The following FEM1B variants were observed in gnomAD, a reference collection of about 807,000 sequenced individuals.
FEM1B encodes protein fem-1 homolog B.
A neutral mutation model predicts 38.6 loss-of-function variants in FEM1B; 10 were observed. The ratio of observed to expected loss-of-function variants is 0.26; its 90% CI spans 0.16 to 0.44. The LOEUF (loss-of-function observed/expected upper bound fraction) is 0.44, where lower values mean the gene tolerates loss of function less well. FEM1B is among the 20% of genes least tolerant of loss of function. The pLI is 1.00. For synonymous variants in FEM1B, 288 were observed against 288.0 expected, an observed-to-expected ratio of 1.00 and a Z score of 0.00; for missense variants, 471 against 786.7, an observed-to-expected ratio of 0.60 and a Z score of 4.80.
At position 68,291,529 on chromosome 15, in the gene FEM1B, G is replaced by A; in HGVS notation, c.*287G>A. 2.9e-6 allele frequency: 1 copy of A among 339,448 alleles called. No homozygotes were observed. Among genetic ancestry groups the A allele is most frequent in the Non-Finnish European group, 5.3e-6 (1 of 188,560 alleles). 21.0% of individuals were successfully genotyped at this position (339,448 alleles called of 1,614,324 possible). A position where few individuals can be genotyped will look rare whatever the true frequency, so the allele number is the denominator to read the frequency against. On this transcript the variant is annotated 3_prime_UTR_variant, in exon 2 of 2. Transcript: ENST00000306917. This position sits in a 1 kb window ranked among gnomAD's most constrained non-coding sequence, Gnocchi z 6.9. ...AACAGATATAAAATGTTTTGTTTATGTAACAAGGGACATTTATAATTTCAA... is the reference window on the plus strand; with the variant it reads ...AACAGATATAAAATGTTTTGTTTATATAACAAGGGACATTTATAATTTCAA...
In FEM1B at chr15:68,292,171, C is replaced by A. The variant is rs568967252; in HGVS notation, c.*929C>A. On this transcript the variant is annotated 3_prime_UTR_variant, in exon 2 of 2. Transcript: ENST00000306917. Reference sequence around the variant, plus strand: ...TTCCAGAAGGCATTATTTATGCCTCCCTAATAAGGTATTTTACTTATGACA... The same window carrying A: ...TTCCAGAAGGCATTATTTATGCCTCACTAATAAGGTATTTTACTTATGACA... 6.6e-6 allele frequency: 1 copy of A among 152,222 alleles called. No individual in the cohort carries two copies. Among genetic ancestry groups the A allele is most frequent in the East Asian group, 1.9e-4 (1 of 5,186 alleles). The allele number at this position is 152,222 out of a possible 1,614,324, so 9.4% of individuals were successfully genotyped here. A position where few individuals can be genotyped will look rare whatever the true frequency, so the allele number is the denominator to read the frequency against.
rs561485550 is a variant in FEM1B, at chr15:68,281,710, C to A, written c.248+3045C>A. On this transcript the variant is annotated intron_variant, in intron 1 of 1. Transcript: ENST00000306917. The surrounding 1 kb of genome is among the most constrained non-coding windows in gnomAD (Gnocchi z 5.1). ...TCGGCTCACTGCAAGCTCTGCCTTC[C>A]GGGTTCATGCCATTCTCCTGCCTCA... 2.6e-5 allele frequency among the ~76,000 whole-genome samples: 4 copies of A among 152,234 alleles called. No homozygotes were observed. In the East Asian group the frequency reaches 7.7e-4, roughly 29 times the overall value.
chr15:68,282,810 T>C (rs930500593), intron 1 of FEM1B, among the ~76,000 whole-genome samples: 3 of 152,230 alleles, frequency 2.0e-5, no homozygotes, highest in African/African-American at 7.2e-5. Flanking sequence ...AGTCTTACAA[T>C]TTTAGCTAGA....
Position 68,291,038 on chromosome 15 carries a change from T to A in FEM1B, c.1680T>A (p.Val560=), listed in dbSNP as rs961911166. Residue 560 remains valine, a synonymous_variant, in exon 2 of 2, where the codon GTT becomes GTA. Transcript: ENST00000306917. The surrounding 1 kb of genome is among the most constrained non-coding windows in gnomAD (Gnocchi z 6.9). ...TGCACTCCATCATCATTAGCCTAGTTGAAGCCGGAGCTCACACTGACATGA... is the reference window on the plus strand; with the variant it reads ...TGCACTCCATCATCATTAGCCTAGTAGAAGCCGGAGCTCACACTGACATGA... ...LTLHSIIISL[V]EAGAHTDMTN... is the part of the protein sequence containing the mutation. 1.2e-6 allele frequency: 2 copies of A among 1,614,126 alleles called. No homozygotes were observed. Among genetic ancestry groups the A allele is most frequent in the Non-Finnish European group, 8.5e-7 (1 of 1,180,008 alleles).
Position 68,295,511 on chromosome 15 carries a change from GAA to G in FEM1B, c.*4272_*4273del, listed in dbSNP as rs1461043351. 6.6e-6 allele frequency: 1 copy of G among 152,122 alleles called. No homozygotes were observed. The highest frequency in any genetic ancestry group is 1.5e-5 in the Non-Finnish European group (1 of 68,020). The allele number at this position is 152,122 out of a possible 1,614,324, so 9.4% of individuals were successfully genotyped here. On this transcript the variant is annotated 3_prime_UTR_variant, in exon 2 of 2. Transcript: ENST00000306917. Reference sequence around the variant, plus strand: ...TAAAATCTGACTGGCCTAATCGATGGAAAAGACCCTGTCCTTTTCACCCCATC... The same window carrying G: ...TAAAATCTGACTGGCCTAATCGATGGAAGACCCTGTCCTTTTCACCCCATC...
chr15:68,281,784 T>G lies in FEM1B; in HGVS notation c.248+3119T>G, dbSNP rs1595839636. ...AGGTGCCCACAACCATGCCTGGCTA[T>G]TTTTTGTATTTTTAGTAGAGACGGT... On this transcript the variant is annotated intron_variant, in intron 1 of 1. Coordinates refer to ENST00000306917, the MANE Select transcript of FEM1B (RefSeq NM_015322.5). The surrounding 1 kb of genome is among the most constrained non-coding windows in gnomAD (Gnocchi z 5.1). Among the ~76,000 whole-genome samples the G allele has an allele frequency of 6.6e-6, 1 of 151,048 alleles. No individual in the cohort carries two copies. Among genetic ancestry groups the G allele is most frequent in the South Asian group, 2.1e-4 (1 of 4,826 alleles).
At chr15:68,279,990 G>C (rs541257984) in intron 1 of FEM1B, 4 of 152,312 alleles carry the variant, frequency 2.6e-5, no homozygotes, top group Admixed American at 2.6e-4. Flanking sequence ...GTGAAGCACA[G>C]TGACCTCTGA....
At chr15:68,287,937 A>G (rs57128886) in intron 1 of FEM1B, among the ~76,000 whole-genome samples, 7,860 of 150,614 alleles carry the variant, frequency 0.052, 660 homozygotes, top group African/African-American at 0.18. Context: ...AGGTTCAAGC[A>G]ATTCTCTTGC....
Position 68,278,350 on chromosome 15 carries a change from G to C in FEM1B, c.-68G>C. On this transcript the variant is annotated 5_prime_UTR_variant, in exon 1 of 2. Coordinates refer to ENST00000306917, the MANE Select transcript of FEM1B (RefSeq NM_015322.5). The surrounding 1 kb of genome is among the most constrained non-coding windows in gnomAD (Gnocchi z 5.7). ...GCCCAGGTTTAAAGCGCTGGCGAAC[G>C]CGGCCTCCGGGGGCGCACGGCAGCT... 1 of 1,541,350 alleles carries C rather than the reference G, an allele frequency of 6.5e-7. No homozygotes were observed. Among genetic ancestry groups the C allele is most frequent in the Non-Finnish European group, 8.7e-7 (1 of 1,143,278 alleles).
Position 68,292,119 on chromosome 15 carries a change from G to T in FEM1B, c.*877G>T, listed in dbSNP as rs1567114954. 6.6e-6 allele frequency: 1 copy of T among 151,960 alleles called. No homozygotes were observed. The highest frequency in any genetic ancestry group is 2.4e-5 in the African/African-American group (1 of 41,372). The allele number at this position is 151,960 out of a possible 1,614,324, so 9.4% of individuals were successfully genotyped here. On this transcript the variant is annotated 3_prime_UTR_variant, in exon 2 of 2. Transcript: ENST00000306917. ...TTGTCCCCTTTTCCCTTTTTCTCCT[G>T]TATCTTTTAAAATTTGGAAACTACT...
At position 68,288,466 on chromosome 15, in the gene FEM1B, T is replaced by G. The variant is rs930861158; in HGVS notation, c.249-1141T>G. 3.9e-5 allele frequency among the ~76,000 whole-genome samples: 6 copies of G among 152,196 alleles called. No homozygotes were observed. Among genetic ancestry groups the G allele is most frequent in the African/African-American group, 1.4e-4 (6 of 41,434 alleles). ...ATTGCTTCTAGCACAGTAGACTGTC[T>G]CCAGCAAAAATCTACTTATCAGGTC... On this transcript the variant is annotated intron_variant, in intron 1 of 1. Coordinates refer to ENST00000306917, the MANE Select transcript of FEM1B (RefSeq NM_015322.5). The surrounding 1 kb of genome is among the most constrained non-coding windows in gnomAD (Gnocchi z 4.6).
Position 68,289,804 on chromosome 15 carries a change from T to C in FEM1B, c.446T>C (p.Ile149Thr). ...GTTGAAAATAATGCCAACATCAGCA[T>C]TGCCAACAAATATGACAACACCTGC... ...YLVENNANIS[I>T]ANKYDNTCLM... Residue 149 changes from isoleucine to threonine, a missense_variant, in exon 2 of 2, where the codon ATT becomes ACT. Ile to Thr is a moderately conservative substitution (Grantham distance 89, BLOSUM62 -1). This residue lies in a region of FEM1B where 380 missense variants were observed against 599.6 expected (regional missense o/e 0.63). Coordinates refer to ENST00000306917, the MANE Select transcript of FEM1B (RefSeq NM_015322.5). The surrounding 1 kb of genome is among the most constrained non-coding windows in gnomAD (Gnocchi z 6.9). 1.9e-6 allele frequency: 3 copies of C among 1,614,198 alleles called. No homozygotes were observed. The highest frequency in any genetic ancestry group is 2.2e-5 in the East Asian group (1 of 44,886).
At position 68,290,427 on chromosome 15, in the gene FEM1B, A is replaced by G. The variant is rs755726730; in HGVS notation, c.1069A>G (p.Asn357Asp). The G allele has an allele frequency of 6.2e-7, 1 of 1,614,160 alleles. No individual in the cohort carries two copies. The highest frequency in any genetic ancestry group is 2.2e-5 in the East Asian group (1 of 44,886). Residue 357 changes from asparagine (N) to aspartate (D), a missense_variant, in exon 2 of 2, where the codon AAT (asparagine) becomes GAT (aspartate). Physicochemically the swap from Asn to Asp is conservative, Grantham distance 23. This residue lies in a region of FEM1B where 380 missense variants were observed against 599.6 expected (regional missense o/e 0.63). Coordinates refer to ENST00000306917, the MANE Select transcript of FEM1B (RefSeq NM_015322.5). The surrounding 1 kb of genome is among the most constrained non-coding windows in gnomAD (Gnocchi z 9.7). ...TTACAGAGGAGCTGTTTATGCGGAT[A>G]ATATGGAATTTGAGCAGTGTATCAA... ...IIYRGAVYAD[N>D]MEFEQCIKLW...
rs768528246 is a variant in FEM1B at position 68,290,772 on chromosome 15, T to TACAACCTGATTC, written c.1417_1428dup (p.Asn473_His476dup). 6.2e-7 allele frequency: 1 copy of TACAACCTGATTC among 1,614,072 alleles called. No homozygotes were observed. Among genetic ancestry groups the TACAACCTGATTC allele is most frequent in the Non-Finnish European group, 8.5e-7 (1 of 1,179,922 alleles). On this transcript the variant is annotated inframe_insertion, in exon 2 of 2. Coordinates refer to ENST00000306917, the MANE Select transcript of FEM1B (RefSeq NM_015322.5). This position sits in a 1 kb window ranked among gnomAD's most constrained non-coding sequence, Gnocchi z 9.7. ...TCAGTGCAAAATTAACAAGCAGATC[T>TACAACCTGATTC]ACAACCTGATTCACCTTGATCCCAG...
Position 68,289,823 on chromosome 15 carries a change from C to T in FEM1B, c.465C>T (p.Asn155=). 2.5e-6 allele frequency: 4 copies of T among 1,614,036 alleles called. No individual in the cohort carries two copies. The highest frequency in any genetic ancestry group is 3.4e-6 in the Non-Finnish European group (4 of 1,179,912). ...TCAGCATTGCCAACAAATATGACAA[C>T]ACCTGCCTAATGATTGCGGCATATA... ...ANISIANKYD[N]TCLMIAAYKG... The change falls in exon 2 of 2, where the codon AAC becomes AAT. Residue 155 remains asparagine, a synonymous_variant. Coordinates refer to ENST00000306917, the MANE Select transcript of FEM1B (RefSeq NM_015322.5). The surrounding 1 kb of genome is among the most constrained non-coding windows in gnomAD (Gnocchi z 6.9).
Position 68,280,451 on chromosome 15 carries a change from C to T in FEM1B, c.248+1786C>T, listed in dbSNP as rs1393148929. Among the ~76,000 whole-genome samples, 3 of 152,092 alleles carry T rather than the reference C, an allele frequency of 2.0e-5. No individual in the cohort carries two copies. The highest frequency in any genetic ancestry group is 4.4e-5 in the Non-Finnish European group (3 of 68,016). On this transcript the variant is annotated intron_variant, in intron 1 of 1. Coordinates refer to ENST00000306917, the MANE Select transcript of FEM1B (RefSeq NM_015322.5). This position sits in a 1 kb window ranked among gnomAD's most constrained non-coding sequence, Gnocchi z 4.2. ...AACACAAATGAGTATTTGCAGATGCCATGCCATTTAGGGTTGTAGAAATCA... is the reference window on the plus strand; with the variant it reads ...AACACAAATGAGTATTTGCAGATGCTATGCCATTTAGGGTTGTAGAAATCA...
Position 68,280,513 on chromosome 15 carries a change from T to C in FEM1B, c.248+1848T>C, listed in dbSNP as rs1192875853. Among the ~76,000 whole-genome samples the C allele has an allele frequency of 2.6e-5, 4 of 152,292 alleles. No homozygotes were observed. The East Asian group carries it at 7.7e-4, about 29-fold the overall frequency. On this transcript the variant is annotated intron_variant, in intron 1 of 1. Coordinates refer to ENST00000306917, the MANE Select transcript of FEM1B (RefSeq NM_015322.5). This position sits in a 1 kb window ranked among gnomAD's most constrained non-coding sequence, Gnocchi z 4.2. Reference sequence around the variant, plus strand: ...GAGAGAAAACAGGGAAAGGAAGTGCTGTTTTATCCGGGGGGAATCTAGAAA... The same window carrying C: ...GAGAGAAAACAGGGAAAGGAAGTGCCGTTTTATCCGGGGGGAATCTAGAAA...
rs1892692553 is a variant in FEM1B at position 68,278,759 on chromosome 15, T to C, written c.248+94T>C. 3 of 1,429,528 alleles carry C rather than the reference T, an allele frequency of 2.1e-6. No homozygotes were observed. Among genetic ancestry groups the C allele is most frequent in the African/African-American group, 1.4e-5 (1 of 71,382 alleles). The allele number at this position is 1,429,528 out of a possible 1,614,324, so 88.6% of individuals were successfully genotyped here. ...CTCACCCTCTCTTACCCTCTCTTCA[T>C]GTAGGTACTCACTTCTCCCCTTTTT... On this transcript the variant is annotated intron_variant, in intron 1 of 1. Transcript: ENST00000306917. This position sits in a 1 kb window ranked among gnomAD's most constrained non-coding sequence, Gnocchi z 5.7.
rs1434823209 is a variant in FEM1B at position 68,290,885 on chromosome 15, T to C, written c.1527T>C (p.Phe509=). Residue 509 remains phenylalanine, a synonymous_variant, in exon 2 of 2, where the codon TTT becomes TTC. Coordinates refer to ENST00000306917, the MANE Select transcript of FEM1B (RefSeq NM_015322.5). The surrounding 1 kb of genome is among the most constrained non-coding windows in gnomAD (Gnocchi z 9.7). The part of the protein sequence containing the change: ...DDFHTNDVCS[F]PNALVTKLLL... ...TCCACACCAATGACGTCTGCAGCTTTCCAAATGCACTTGTCACAAAGCTCC... is the reference window on the plus strand; with the variant it reads ...TCCACACCAATGACGTCTGCAGCTTCCCAAATGCACTTGTCACAAAGCTCC... 1 of 1,614,122 alleles carries C rather than the reference T, an allele frequency of 6.2e-7. No homozygotes were observed.
Sources: gnomAD v4.1 joint callset for allele counts (sites outside exome capture counted in the v4.1 genomes callset) on GRCh38, gnomAD v4.1.1 for gene constraint, gnomAD v4.1.1 regional missense constraint, Gnocchi (gnomAD v3.1) non-coding constraint, MANE v1.5 for transcripts, NCBI Gene and HGNC (gene_info 2026-07-23, HGNC 2026-07-21) for gene names.